The following MTUS2 variants were observed in gnomAD, a reference collection of about 807,000 sequenced individuals.
MTUS2 encodes microtubule-associated tumor suppressor candidate 2.
In MTUS2, 40 loss-of-function variants were observed where a neutral mutation model predicts 114.1. The observed-to-expected ratio is 0.35, with a 90% confidence interval of 0.27 to 0.46. MTUS2 has a LOEUF of 0.46. Ranked by LOEUF, MTUS2 falls within the 20% of genes least tolerant of loss-of-function variation. The pLI is 1.00. For missense variants in MTUS2, 1,679 were observed against 1,705.4 expected (o/e 0.98, Z 0.27); for synonymous variants, 688 against 672.0 (o/e 1.02, Z -0.37).
At chr13:29,214,340 G>A (rs1437953957) in intron 5 of MTUS2, among the ~76,000 whole-genome samples, 1 of 152,084 alleles carries the variant, frequency 6.6e-6, no homozygotes, top group South Asian at 2.1e-4. Context: ...CTTTTAATTG[G>A]GGCATTTAGC....
At chr13:29,463,330 A>G (rs1879647214) in intron 9 of MTUS2, among the ~76,000 whole-genome samples, 1 of 152,132 alleles carries the variant, frequency 6.6e-6, no homozygotes, top group African/African-American at 2.4e-5. Context: ...TTAAGCCCCT[A>G]AGTTTGTGGG....
chr13:29,476,985 T>C (rs1880750900), intron 9 of MTUS2: 1 of 152,216 alleles, frequency 6.6e-6, no homozygotes, highest in African/African-American at 2.4e-5. Context: ...AGTTATCCCA[T>C]CCACAGGTAC....
chr13:28,851,485 A>C (rs907455500), intron 2 of MTUS2, among the ~76,000 whole-genome samples: 3 of 152,224 alleles, frequency 2.0e-5, no homozygotes, highest in African/African-American at 7.2e-5. Context: ...CTGAGTGACT[A>C]CAACATAGTG....
rs529229755 is a variant in MTUS2, at chr13:29,463,634, C to T, written c.3185-16516C>T. On this transcript the variant is annotated intron_variant, in intron 9 of 15. Transcript: ENST00000612955. ...CGAAGACCAGAGGTAGATTCAATCC[C>T]AGGTGCTCTGCCTCCTGAGCCCACA... is the stretch of plus-strand genomic sequence containing the variant. 8.5e-4 allele frequency among the ~76,000 whole-genome samples: 130 copies of T among 152,284 alleles called. 6 individuals are homozygous for T. In the South Asian group the frequency reaches 0.024, roughly 28 times the overall value.
intron 6 of MTUS2, 38 bp downstream of exon 6, chr13:29,281,903 T>C (rs770735671): frequency 7.2e-6 from 11 of 1,526,040 alleles, no homozygotes; most frequent in Admixed American, 2.2e-5. Flanking sequence ...CATGGTGGAG[T>C]GCCCTTTCTG....
chr13:29,485,631 C>T (rs1438567771), intron 10 of MTUS2, among the ~76,000 whole-genome samples: 1 of 152,124 alleles, frequency 6.6e-6, no homozygotes, highest in Non-Finnish European at 1.5e-5. Flanking sequence ...ATTACATTAC[C>T]CTTAATACAA....
chr13:28,992,815 C>G (rs1303763719), intron 2 of MTUS2, among the ~76,000 whole-genome samples: 1 of 152,138 alleles, frequency 6.6e-6, no homozygotes, highest in Non-Finnish European at 1.5e-5. Context: ...CTACATTGAA[C>G]CATCACCACC....
chr13:28,895,846 T>C (rs752361890), intron 2 of MTUS2, among the ~76,000 whole-genome samples: 28 of 152,216 alleles, frequency 1.8e-4, no homozygotes, highest in Non-Finnish European at 3.5e-4. Context: ...ACATTTCACA[T>C]ACTCATTTGC....
rs71090259 is a variant in MTUS2 at position 29,490,985 on chromosome 13, ATGTGTGTG to A, written c.3506-1646_3506-1639del. On this transcript the variant is annotated intron_variant, in intron 11 of 15. Coordinates refer to ENST00000612955, the MANE Select transcript of MTUS2 (RefSeq NM_001033602.4). The stretch of plus-strand genomic sequence containing the variant: ...GGTATAGCTGAATGTAGAAGTGTGG[ATGTGTGTG>A]TGTGTGTGTGTGTGGTGTGGGAGGT... Among the ~76,000 whole-genome samples the A allele has an allele frequency of 2.7e-5, 4 of 148,352 alleles. No individual in the cohort carries two copies. In the South Asian group the frequency reaches 6.4e-4, roughly 24 times the overall value.
At chr13:28,993,995 G>C (rs1884974542) in intron 2 of MTUS2, among the ~76,000 whole-genome samples, 1 of 152,030 alleles carries the variant, frequency 6.6e-6, no homozygotes, top group African/African-American at 2.4e-5. Flanking sequence ...TTGGTGTGCT[G>C]CACCCATTAA....
chr13:28,898,442 C>T (rs1351282540), intron 2 of MTUS2, among the ~76,000 whole-genome samples: 3 of 152,216 alleles, frequency 2.0e-5, no homozygotes, highest in Non-Finnish European at 4.4e-5. Context: ...GAGCCCTGCT[C>T]TTTCCACAGT....
rs111890411 is a variant in MTUS2, at chr13:29,012,431, C to T, written c.-242-12026C>T. 6.4e-3 allele frequency among the ~76,000 whole-genome samples: 971 copies of T among 152,048 alleles called. 15 individuals carry two copies. Among genetic ancestry groups the T allele is most frequent in the African/African-American group, 0.022 (898 of 41,460 alleles). ...ACATTGCAGAGGAGAATAAGGCCATCGGATTTGTGGTAGGAAGGAAGAAGT... is the reference window on the plus strand; with the variant it reads ...ACATTGCAGAGGAGAATAAGGCCATTGGATTTGTGGTAGGAAGGAAGAAGT... On this transcript the variant is annotated intron_variant, in intron 2 of 15. Transcript: ENST00000612955.
chr13:28,965,267 A>G (rs1466611805), intron 2 of MTUS2, among the ~76,000 whole-genome samples: 3 of 152,152 alleles, frequency 2.0e-5, no homozygotes, highest in Non-Finnish European at 4.4e-5. Flanking sequence ...CACAAGGGGA[A>G]ACTGCGTGGA....
chr13:29,223,693 C>T (rs1285013515), intron 5 of MTUS2, among the ~76,000 whole-genome samples: 2 of 152,204 alleles, frequency 1.3e-5, no homozygotes, highest in Admixed American at 6.5e-5. Context: ...AGAACTGTAA[C>T]ACAAACAGGC....
chr13:29,113,625 G>T (rs1890968530), intron 5 of MTUS2, among the ~76,000 whole-genome samples: 1 of 152,038 alleles, frequency 6.6e-6, no homozygotes, highest in Non-Finnish European at 1.5e-5. Flanking sequence ...GTGGCTAGTA[G>T]TTCCCTTATT....
At chr13:29,121,160 T>C (rs574325255) in intron 5 of MTUS2, among the ~76,000 whole-genome samples, 1 of 152,202 alleles carries the variant, frequency 6.6e-6, no homozygotes, top group Non-Finnish European at 1.5e-5. Context: ...TAAATCTCAC[T>C]TATCCCTAAG....
intron 5 of MTUS2, among the ~76,000 whole-genome samples, chr13:29,263,161 A>C (rs1287760825): frequency 6.6e-6 from 1 of 152,182 alleles, no homozygotes; most frequent in Non-Finnish European, 1.5e-5. Flanking sequence ...ACTGTTAAAG[A>C]CTTTGCTTTC....
rs151118655 is a variant in MTUS2, at chr13:29,340,864, A to G, written c.2905+16153A>G. ...CATTCTTATGCCTTTGCATCCTCATAGCTTAGCTCCCACTTATGAGTGAGA... is the reference window on the plus strand; with the variant it reads ...CATTCTTATGCCTTTGCATCCTCATGGCTTAGCTCCCACTTATGAGTGAGA... On this transcript the variant is annotated intron_variant, in intron 7 of 15. Transcript: ENST00000612955. Among the ~76,000 whole-genome samples, 4 of 152,272 alleles carry G rather than the reference A, an allele frequency of 2.6e-5. No homozygotes were observed. The East Asian group carries it at 7.7e-4, about 29-fold the overall frequency.
intron 8 of MTUS2, among the ~76,000 whole-genome samples, chr13:29,418,444 C>G (rs757177756): frequency 2.1e-4 from 32 of 152,192 alleles, no homozygotes; most frequent in Non-Finnish European, 3.2e-4. Flanking sequence ...TGACCCAGAA[C>G]TTTTCTGCTC....
Sources: allele counts gnomAD v4.1 joint callset (sites outside exome capture counted in the v4.1 genomes callset), GRCh38; gene constraint gnomAD v4.1.1; transcripts MANE v1.5; gene names NCBI Gene and HGNC (gene_info 2026-07-23, HGNC 2026-07-21).